PRR16: variants seen among roughly 807,000 people sequenced by gnomAD.
The protein encoded by PRR16 is proline rich 16.
A neutral mutation model predicts 18.2 loss-of-function variants in PRR16; 6 were observed. That is an observed-to-expected ratio of 0.33 (90% CI 0.18 to 0.65). The LOEUF is 0.65. Ranked by LOEUF, PRR16 falls within the 30% of genes least tolerant of loss-of-function variation. The pLI, the probability that PRR16 is intolerant of heterozygous loss-of-function variation, is 0.74. For missense variants in PRR16, 412 were observed against 376.6 expected (o/e 1.09, Z -0.78); for synonymous variants, 151 against 147.8 (o/e 1.02, Z -0.16).
the PRR16 span, among the ~76,000 whole-genome samples, chr5:120,740,193 G>T: frequency 0.014 from 2,188 of 152,196 alleles, 45 homozygotes; most frequent in Admixed American, 0.055. Context: ...AAGCAGAAAT[G>T]GTGCCCTGGT....
At chr5:120,473,565 C>G (rs1749342019) in intron 1 of PRR16, among the ~76,000 whole-genome samples, 1 of 152,054 alleles carries the variant, frequency 6.6e-6, no homozygotes, top group South Asian at 2.1e-4. Flanking sequence ...TAGAATGGTT[C>G]CTATGCATAA....
At chr5:120,492,336 G>T (rs1400010164) in intron 1 of PRR16, among the ~76,000 whole-genome samples, 1 of 150,634 alleles carries the variant, frequency 6.6e-6, no homozygotes, top group Non-Finnish European at 1.5e-5. Context: ...TTCTAGGCTG[G>T]TCTCTAATTC....
chr5:120,488,355 C>T (rs2112821785), intron 1 of PRR16, among the ~76,000 whole-genome samples: 1 of 152,282 alleles, frequency 6.6e-6, no homozygotes, highest in East Asian at 1.9e-4. Flanking sequence ...AGAGATTCAA[C>T]TTCTTCCTGG....
chr5:120,503,712 A>G (rs1358747800), intron 1 of PRR16, among the ~76,000 whole-genome samples: 1 of 151,796 alleles, frequency 6.6e-6, no homozygotes, highest in African/African-American at 2.4e-5. Context: ...ATATGTATAC[A>G]TGTGCCATGC....
chr5:120,542,614 C>T (rs903970131), intron 1 of PRR16, among the ~76,000 whole-genome samples: 5 of 151,976 alleles, frequency 3.3e-5, no homozygotes, highest in Admixed American at 1.3e-4. Context: ...CAAAAACAGA[C>T]AAAAAATGAG....
At chr5:120,631,766 C>T (rs148976279) in intron 1 of PRR16, among the ~76,000 whole-genome samples, 1,941 of 152,166 alleles carry the variant, frequency 0.013, 16 homozygotes, top group Middle Eastern at 0.044. Flanking sequence ...CCCTGGTAGC[C>T]GAAGACAAAG....
intron 1 of PRR16, among the ~76,000 whole-genome samples, chr5:120,505,714 C>A (rs551198364): frequency 1.4e-3 from 200 of 147,950 alleles, no homozygotes; most frequent in Middle Eastern, 6.9e-3. Flanking sequence ...CTTCTGTTGT[C>A]CCTTTGTCTT....
chr5:120,642,902 G>C (rs1392276859), intron 1 of PRR16, among the ~76,000 whole-genome samples: 1 of 152,010 alleles, frequency 6.6e-6, no homozygotes, highest in Non-Finnish European at 1.5e-5. Context: ...TAAGACACTT[G>C]GTGAGGCCAA....
chr5:120,528,023 A>G (rs977746060), intron 1 of PRR16, among the ~76,000 whole-genome samples: 3 of 152,204 alleles, frequency 2.0e-5, no homozygotes, highest in Non-Finnish European at 4.4e-5. Flanking sequence ...TTTGGTAAAT[A>G]CTAGTTTAGG....
chr5:120,782,119 T>G, the PRR16 span, among the ~76,000 whole-genome samples: 1 of 152,172 alleles, frequency 6.6e-6, no homozygotes, highest in Non-Finnish European at 1.5e-5. Context: ...CAATAAACCA[T>G]AATACCAATC....
the PRR16 span, among the ~76,000 whole-genome samples, chr5:120,793,782 A>G: frequency 6.6e-6 from 1 of 152,164 alleles, no homozygotes; most frequent in Non-Finnish European, 1.5e-5. Context: ...AGGTGATTTC[A>G]TTATTGTTCT....
At chr5:120,493,138 T>G (rs1168088780) in intron 1 of PRR16, among the ~76,000 whole-genome samples, 1 of 152,202 alleles carries the variant, frequency 6.6e-6, no homozygotes, top group East Asian at 1.9e-4. Context: ...GTCTATATTA[T>G]TTTCCATAGT....
chr5:120,707,758 A>G, the PRR16 span, among the ~76,000 whole-genome samples: 1 of 152,240 alleles, frequency 6.6e-6, no homozygotes, highest in African/African-American at 2.4e-5. Flanking sequence ...GAACAAGTAA[A>G]GACAATTATT....
chr5:120,745,960 T>C, the PRR16 span, among the ~76,000 whole-genome samples: 15,347 of 150,832 alleles, frequency 0.1, 971 homozygotes, highest in African/African-American at 0.17. Flanking sequence ...GATTCACCCA[T>C]CTTTGCCCCC....
chr5:120,571,570 T>TA (rs1752908338), intron 1 of PRR16, among the ~76,000 whole-genome samples: 1 of 152,032 alleles, frequency 6.6e-6, no homozygotes. Flanking sequence ...TTTTAAAGGG[T>TA]TACTCTGGAT....
chr5:120,731,350 G>C, the PRR16 span, among the ~76,000 whole-genome samples: 20 of 152,232 alleles, frequency 1.3e-4, no homozygotes, highest in East Asian at 1.4e-3. Context: ...ATAATGATTG[G>C]GAGCTTCAAT....
the PRR16 span, among the ~76,000 whole-genome samples, chr5:120,712,062 C>T: frequency 6.6e-6 from 1 of 152,102 alleles, no homozygotes; most frequent in East Asian, 1.9e-4. Context: ...CTCTGTATAT[C>T]ACTAATGACT....
intron 1 of PRR16, among the ~76,000 whole-genome samples, chr5:120,590,657 A>G (rs1048712910): frequency 2.0e-5 from 3 of 152,114 alleles, no homozygotes; most frequent in African/African-American, 7.2e-5. Context: ...GGTTCATATC[A>G]CTATGTGGCT....
intron 1 of PRR16, among the ~76,000 whole-genome samples, chr5:120,633,563 G>A (rs190848772): frequency 6.6e-6 from 1 of 152,148 alleles, no homozygotes; most frequent in Admixed American, 6.6e-5. Flanking sequence ...AAAGTGAATA[G>A]GAGTAGTTCT....
Sources: gnomAD v4.1 joint callset for allele counts (sites outside exome capture counted in the v4.1 genomes callset) on GRCh38, gnomAD v4.1.1 for gene constraint, MANE v1.5 for transcripts, NCBI Gene and HGNC (gene_info 2026-07-23, HGNC 2026-07-21) for gene names.